Variants in BMERB1 observed in about 807,000 individuals in gnomAD.
The protein encoded by BMERB1 is bMERB domain containing 1.
Under a neutral mutation model 23.6 loss-of-function variants are expected in BMERB1, and 12 were observed. That is an observed-to-expected ratio of 0.51 (90% confidence interval 0.33 to 0.82). BMERB1 has a LOEUF of 0.82. Ranked by LOEUF, BMERB1 falls within the 40% of genes least tolerant of loss-of-function variation. The pLI, the probability that BMERB1 is intolerant of heterozygous loss-of-function variation, is 0.03. For synonymous variants in BMERB1, 122 were observed against 96.6 expected (o/e 1.26, Z -1.54); for missense variants, 247 against 255.4 (o/e 0.97, Z 0.22).
chr16:15,552,764 C>G (rs905857740), intron 2 of BMERB1, among the ~76,000 whole-genome samples: 1 of 152,230 alleles, frequency 6.6e-6, no homozygotes, highest in Non-Finnish European at 1.5e-5. Flanking sequence ...AGGGCTGACA[C>G]GTAGTAGGCG....
intron 1 of BMERB1, among the ~76,000 whole-genome samples, chr16:15,504,454 T>C (rs1467849240): frequency 6.6e-6 from 1 of 151,976 alleles, no homozygotes; most frequent in Non-Finnish European, 1.5e-5. Flanking sequence ...AATTTTTTTT[T>C]TTTTTTTATT....
intron 1 of BMERB1, among the ~76,000 whole-genome samples, chr16:15,462,676 A>G (rs1177849464): frequency 6.6e-6 from 1 of 152,190 alleles, no homozygotes; most frequent in Non-Finnish European, 1.5e-5. Flanking sequence ...CAGAGCGTTC[A>G]AGAGTCTGAG....
Position 15,518,111 on chromosome 16 carries a change from A to T in BMERB1, c.230+2683A>T, listed in dbSNP as rs1424981230. Reference sequence around the variant, plus strand: ...TGTCACTTAGCCCAGGCTTAAGGACAAGAATAACTAGCATTTCTTAAGAGG... The same window carrying T: ...TGTCACTTAGCCCAGGCTTAAGGACTAGAATAACTAGCATTTCTTAAGAGG... On this transcript the variant is annotated intron_variant, in intron 2 of 5. Coordinates refer to ENST00000300006, the MANE Select transcript of BMERB1 (RefSeq NM_033201.3). Among the ~76,000 whole-genome samples, 4 of 152,308 alleles carry T rather than the reference A, an allele frequency of 2.6e-5. No homozygotes were observed. The East Asian group carries it at 7.7e-4, about 29-fold the overall frequency.
intron 1 of BMERB1, among the ~76,000 whole-genome samples, chr16:15,459,223 A>G (rs1404138654): frequency 6.6e-6 from 1 of 152,162 alleles, no homozygotes; most frequent in Non-Finnish European, 1.5e-5. Context: ...CAAAAAAGAC[A>G]TGAAGGATAT....
chr16:15,516,689 C>G (rs759117914), intron 2 of BMERB1, among the ~76,000 whole-genome samples: 1 of 145,334 alleles, frequency 6.9e-6, no homozygotes, highest in South Asian at 2.2e-4. Context: ...TTTTTCACAA[C>G]ACCAAGAGGC....
chr16:15,520,859 A>T (rs2150955580), intron 2 of BMERB1, among the ~76,000 whole-genome samples: 1 of 152,272 alleles, frequency 6.6e-6, no homozygotes, highest in African/African-American at 2.4e-5. Context: ...CATTTGTCTT[A>T]TCTGAGTTAT....
intron 2 of BMERB1, among the ~76,000 whole-genome samples, chr16:15,555,833 G>C (rs1457144461): frequency 1.3e-5 from 2 of 152,100 alleles, no homozygotes; most frequent in Non-Finnish European, 2.9e-5. Context: ...TACGAAAGCT[G>C]AACCAATGCA....
At chr16:15,582,559 T>G (rs892907183) in intron 4 of BMERB1, among the ~76,000 whole-genome samples, 1 of 151,976 alleles carries the variant, frequency 6.6e-6, no homozygotes. Flanking sequence ...CTCTACAATT[T>G]TTTTTTTTAA....
intron 1 of BMERB1, among the ~76,000 whole-genome samples, chr16:15,468,742 A>T (rs1466541354): frequency 6.6e-6 from 1 of 152,152 alleles, no homozygotes; most frequent in Non-Finnish European, 1.5e-5. Context: ...TTTGGTGTCA[A>T]ATCTGGGAAC....
chr16:15,523,637 A>G (rs138826189), intron 2 of BMERB1, among the ~76,000 whole-genome samples: 158 of 152,242 alleles, frequency 1.0e-3, no homozygotes, highest in Non-Finnish European at 1.9e-3. Context: ...TGGAGCAAAT[A>G]CTTTGTCCTG....
At chr16:15,457,845 T>G (rs1007726468) in intron 1 of BMERB1, among the ~76,000 whole-genome samples, 1 of 152,158 alleles carries the variant, frequency 6.6e-6, no homozygotes, top group African/African-American at 2.4e-5. Flanking sequence ...GACTCACAGT[T>G]CCGCATGGCT....
chr16:15,516,819 G>A (rs1261029259), intron 2 of BMERB1, among the ~76,000 whole-genome samples: 1 of 152,092 alleles, frequency 6.6e-6, no homozygotes, highest in East Asian at 1.9e-4. Context: ...AGCTCTTTCT[G>A]CTTTTAAAAC....
intron 2 of BMERB1, among the ~76,000 whole-genome samples, chr16:15,564,391 T>C (rs2030510105): frequency 1.3e-5 from 2 of 152,200 alleles, no homozygotes; most frequent in African/African-American, 4.8e-5. Context: ...AAACCCATAT[T>C]TCTGAGATGC....
chr16:15,472,860 C>CT (rs34677062), intron 1 of BMERB1, among the ~76,000 whole-genome samples: 61,934 of 133,824 alleles, frequency 0.46, 15,845 homozygotes, highest in Middle Eastern at 0.65. Flanking sequence ...AGGATTCCAT[C>CT]TTTTTTTTTT....
chr16:15,584,953 AACATGCCCACTCCTGCAGCC>A (rs2031105394), intron 5 of BMERB1, among the ~76,000 whole-genome samples: 1 of 152,228 alleles, frequency 6.6e-6, no homozygotes. Context: ...AGGAATGTAT[AACATGCCCACTCCTGCAGCC>A]ACAGGGACAT....
chr16:15,582,210 G>A (rs1278551239), intron 4 of BMERB1, among the ~76,000 whole-genome samples: 1 of 152,120 alleles, frequency 6.6e-6, no homozygotes, highest in Non-Finnish European at 1.5e-5. Flanking sequence ...ACCAGCCTGG[G>A]CAACATGGTG....
intron 2 of BMERB1, among the ~76,000 whole-genome samples, chr16:15,518,395 C>T (rs1006198477): frequency 6.6e-6 from 1 of 152,178 alleles, no homozygotes; most frequent in African/African-American, 2.4e-5. Context: ...TGATGACGCT[C>T]CCCAACCAGG....
intron 2 of BMERB1, among the ~76,000 whole-genome samples, chr16:15,516,790 G>A (rs1171117637): frequency 6.6e-6 from 1 of 152,118 alleles, no homozygotes; most frequent in Non-Finnish European, 1.5e-5. Context: ...TAGTAAATGG[G>A]GAGTTAGGGT....
rs143173003 is a variant in BMERB1 at position 15,481,898 on chromosome 16, T to G, written c.107-33407T>G. On this transcript the variant is annotated intron_variant, in intron 1 of 5. Coordinates refer to ENST00000300006, the MANE Select transcript of BMERB1 (RefSeq NM_033201.3). ...TGCCACCATGCCCGGCAAATTTTTG[T>G]ATTTTTTTTTTTAGTAGAGACGGGG... Among the ~76,000 whole-genome samples the G allele has an allele frequency of 1.9e-3, 292 of 151,606 alleles. 6 individuals carry two copies. In the East Asian group the frequency reaches 0.055, roughly 28 times the overall value.
Sources: allele counts gnomAD v4.1 joint callset (sites outside exome capture counted in the v4.1 genomes callset), GRCh38; gene constraint gnomAD v4.1.1; transcripts MANE v1.5; gene names NCBI Gene and HGNC (gene_info 2026-07-23, HGNC 2026-07-21).